Variants in MBD5 observed in about 807,000 individuals in gnomAD.
MBD5 encodes the protein methyl-CpG binding domain protein 5, also known as methyl-CpG-binding domain protein 5.
In MBD5, 13 loss-of-function variants were observed where a neutral mutation model predicts 117.3. The observed-to-expected ratio is 0.11, with a 90% CI of 0.07 to 0.18. The LOEUF (loss-of-function observed/expected upper bound fraction) is 0.18. Among genes scored for constraint, MBD5 ranks in the 10% least tolerant of loss-of-function variants. The probability of loss-of-function intolerance (pLI) is 1.00; values close to 1 mark genes in which losing one functional copy is unlikely to be tolerated. For missense variants in MBD5, 1,879 were observed against 2,093.8 expected (o/e 0.90, Z 2.00); for synonymous variants, 727 against 766.4 (o/e 0.95, Z 0.85).
intron 4 of MBD5, among the ~76,000 whole-genome samples, chr2:148,437,616 C>T (rs1012483032): frequency 3.3e-5 from 5 of 151,714 alleles, no homozygotes; most frequent in African/African-American, 7.3e-5. Flanking sequence ...AAAAATATGT[C>T]ACAACACTTC....
At chr2:148,398,829 A>G (rs1035931326) in intron 4 of MBD5, among the ~76,000 whole-genome samples, 6 of 152,190 alleles carry the variant, frequency 3.9e-5, no homozygotes, top group African/African-American at 1.2e-4. Flanking sequence ...TAATTTTTGT[A>G]TAAGGTGTAA....
At chr2:148,146,326 A>C (rs1294434612) in intron 1 of MBD5, among the ~76,000 whole-genome samples, 1 of 152,050 alleles carries the variant, frequency 6.6e-6, no homozygotes, top group Non-Finnish European at 1.5e-5. Flanking sequence ...TATTATGATC[A>C]TGGCTCACTG....
chr2:148,051,635 GTGTGTGTGTGTGTT>G (rs1158061095), intron 1 of MBD5, among the ~76,000 whole-genome samples: 1 of 114,566 alleles, frequency 8.7e-6, no homozygotes, highest in East Asian at 3.1e-4. Flanking sequence ...GTGTGTGTGT[GTGTGTGTGTGTGTT>G]GTCATGAAAG....
intron 4 of MBD5, among the ~76,000 whole-genome samples, chr2:148,362,336 G>T (rs1293568827): frequency 6.6e-6 from 1 of 152,124 alleles, no homozygotes; most frequent in African/African-American, 2.4e-5. Flanking sequence ...TTCAGTAGGC[G>T]ATTTTCCCCT....
intron 2 of MBD5, among the ~76,000 whole-genome samples, chr2:148,203,304 G>C (rs1699189638): frequency 6.6e-6 from 1 of 152,112 alleles, no homozygotes; most frequent in Non-Finnish European, 1.5e-5. Flanking sequence ...ATTAAATGTG[G>C]GAAAGATGGC....
chr2:148,326,665 CT>C (rs1287771040), intron 3 of MBD5, among the ~76,000 whole-genome samples: 3 of 151,378 alleles, frequency 2.0e-5, no homozygotes, highest in East Asian at 1.9e-4. Flanking sequence ...CAACCCCTGC[CT>C]TTTTTTGTTT....
intron 2 of MBD5, among the ~76,000 whole-genome samples, chr2:148,195,693 G>T (rs1018674245): frequency 6.6e-6 from 1 of 152,110 alleles, no homozygotes; most frequent in African/African-American, 2.4e-5. Context: ...GTCATCCAGA[G>T]TATGTTCTCT....
intron 1 of MBD5, among the ~76,000 whole-genome samples, chr2:148,098,991 G>A (rs1361975841): frequency 6.6e-6 from 1 of 152,158 alleles, no homozygotes; most frequent in Non-Finnish European, 1.5e-5. Flanking sequence ...AGAGGTCGAG[G>A]CTGCAGTGAG....
intron 4 of MBD5, among the ~76,000 whole-genome samples, chr2:148,422,177 G>C (rs1705630094): frequency 6.6e-6 from 1 of 152,164 alleles, no homozygotes; most frequent in South Asian, 2.1e-4. Flanking sequence ...ACCTCATACA[G>C]AAGAGCTCTG....
In MBD5 at chr2:148,490,329, A is replaced by G. The variant is rs373234696; in HGVS notation, c.4697A>G (p.Tyr1566Cys). Reference protein sequence around the residue: ...NSLENSLVKDYIHYNGDFNAK... With the variant: ...NSLENSLVKDCIHYNGDFNAK... ...TTGGAAAATTCTCTGGTCAAAGACT[A>G]CATCCATTACAATGGAGACTTTAAT... Residue 1566 changes from tyrosine (Y) to cysteine (C), a missense_variant, in exon 11 of 14, where the codon TAC (tyrosine) becomes TGC (cysteine). This residue lies in a region of MBD5 where 1,666 missense variants were observed against 1,792.2 expected (regional missense o/e 0.93). Coordinates refer to ENST00000642680, the MANE Select transcript of MBD5 (RefSeq NM_001378120.1). The G allele has an allele frequency of 5.0e-6, 8 of 1,614,082 alleles. No homozygotes were observed. The African/African-American group carries it at 9.3e-5, about 19-fold the overall frequency.
At chr2:148,137,480 G>T (rs571800682) in intron 1 of MBD5, among the ~76,000 whole-genome samples, 1 of 152,186 alleles carries the variant, frequency 6.6e-6, no homozygotes, top group East Asian at 1.9e-4. Context: ...TACCCATCTG[G>T]CCAGGCCTCT....
chr2:148,447,551 G>A (rs1706599934), intron 4 of MBD5: 2 of 152,110 alleles, frequency 1.3e-5, no homozygotes, highest in South Asian at 4.1e-4. Context: ...TTATCTCAAG[G>A]TACTTTCTAT....
At chr2:148,182,757 T>C (rs574988894) in intron 2 of MBD5, among the ~76,000 whole-genome samples, 1 of 152,330 alleles carries the variant, frequency 6.6e-6, no homozygotes, top group Non-Finnish European at 1.5e-5. Flanking sequence ...GCAGCTGGTA[T>C]TCTTCTCACC....
intron 4 of MBD5, among the ~76,000 whole-genome samples, chr2:148,371,378 A>G (rs1333680726): frequency 6.6e-6 from 1 of 152,182 alleles, no homozygotes; most frequent in African/African-American, 2.4e-5. Context: ...TAGCAAGAGA[A>G]TAACTGTCTC....
intron 4 of MBD5, among the ~76,000 whole-genome samples, chr2:148,431,509 G>A (rs917394671): frequency 1.3e-5 from 2 of 151,770 alleles, no homozygotes; most frequent in Non-Finnish European, 2.9e-5. Flanking sequence ...CATACTACCT[G>A]ATAGGTATTT....
In MBD5 at chr2:148,515,290, T is replaced by A. The variant is rs1334775957; in HGVS notation, c.*2349T>A. ...TGGTATTTTGAGCTAATTCAGTTTG[T>A]GCTTCCCTCCCATTGTATACTTTAC... On this transcript the variant is annotated 3_prime_UTR_variant, in exon 14 of 14. Transcript: ENST00000642680. 6.6e-6 allele frequency: 1 copy of A among 152,232 alleles called. No homozygotes were observed. 9.4% of individuals were successfully genotyped at this position (152,232 alleles called of 1,614,324 possible). A position where few individuals can be genotyped will look rare whatever the true frequency, so the allele number is the denominator to read the frequency against.
intron 11 of MBD5, among the ~76,000 whole-genome samples, chr2:148,501,886 A>G (rs1681882837): frequency 6.6e-6 from 1 of 152,232 alleles, no homozygotes; most frequent in Non-Finnish European, 1.5e-5. Context: ...AAGACTTGTC[A>G]CATTTTAATT....
chr2:148,463,768 G>A lies in MBD5; in HGVS notation c.246G>A (p.Val82=). The A allele has an allele frequency of 1.2e-6, 2 of 1,613,748 alleles. No individual in the cohort carries two copies. Among genetic ancestry groups the A allele is most frequent in the Non-Finnish European group, 1.7e-6 (2 of 1,179,752 alleles). ...KVFNFDPGAA[V]KQRTAEDVKA... ...TTAATTTTGATCCTGGAGCTGCTGT[G>A]AAACAGAGAACCGCAGAAGATGTTA... is the stretch of plus-strand genomic sequence containing the variant. Residue 82 remains valine (V), a synonymous_variant, in exon 7 of 14, where the codon GTG becomes GTA. Coordinates refer to ENST00000642680, the MANE Select transcript of MBD5 (RefSeq NM_001378120.1).
At chr2:148,194,903 C>CT (rs1433853567) in intron 2 of MBD5, among the ~76,000 whole-genome samples, 1 of 151,902 alleles carries the variant, frequency 6.6e-6, no homozygotes, top group Non-Finnish European at 1.5e-5. Context: ...GATTAAAAGG[C>CT]TTTTTTGTTT....
Sources: gnomAD v4.1 joint callset for allele counts (sites outside exome capture counted in the v4.1 genomes callset) on GRCh38, gnomAD v4.1.1 for gene constraint, gnomAD v4.1.1 regional missense constraint, MANE v1.5 for transcripts, NCBI Gene and HGNC (gene_info 2026-07-23, HGNC 2026-07-21) for gene names.